The following PHF24 variants were observed in gnomAD, a reference collection of about 807,000 sequenced individuals.
PHF24 encodes PHD finger protein 24.
Under a neutral mutation model 42.6 loss-of-function variants are expected in PHF24, and 25 were observed. The observed-to-expected ratio is 0.59, with a 90% CI of 0.43 to 0.82. PHF24 has a LOEUF of 0.82. Among genes scored for constraint, PHF24 ranks in the 40% least tolerant of loss-of-function variants. The pLI is 0.00. For missense variants in PHF24, 470 were observed against 538.1 expected, an observed-to-expected ratio of 0.87 and a Z score of 1.25; for synonymous variants, 185 against 204.8, an observed-to-expected ratio of 0.90 and a Z score of 0.83.
At chr9:34,809,994 G>GCACGCGCCGCCGCCGCC in the PHF24 span, among the ~76,000 whole-genome samples, 8 of 150,290 alleles carry the variant, frequency 5.3e-5, no homozygotes, top group South Asian at 2.1e-4. The surrounding 1 kb of genome is among the most constrained non-coding windows in gnomAD (Gnocchi z 4.1). Context: ...TCGCGTGGGC[G>GCACGCGCCGCCGCCGCC]CACGCGCCGC....
the PHF24 span, among the ~76,000 whole-genome samples, chr9:34,778,521 T>C: frequency 6.6e-6 from 1 of 151,804 alleles, no homozygotes. Flanking sequence ...TGCCATTAGG[T>C]ATAATGGACA....
the PHF24 span, among the ~76,000 whole-genome samples, chr9:34,924,419 G>A: frequency 4.6e-5 from 7 of 152,120 alleles, no homozygotes; most frequent in Admixed American, 4.6e-4. Context: ...CTCTCTAGCT[G>A]TAATAATATT....
the PHF24 span, among the ~76,000 whole-genome samples, chr9:34,743,368 C>A: frequency 2.0e-3 from 301 of 152,336 alleles, 1 homozygote; most frequent in African/African-American, 6.8e-3. Context: ...ACTTGAAGCA[C>A]AGAAAGGGTT....
intron 1 of PHF24, among the ~76,000 whole-genome samples, chr9:34,966,435 A>G (rs956176730): frequency 1.3e-5 from 2 of 152,110 alleles, no homozygotes; most frequent in African/African-American, 2.4e-5. Flanking sequence ...AAATTTTTCA[A>G]AAATTAGCAC....
At chr9:34,723,807 G>A in the PHF24 span, 1 of 1,551,620 alleles carries the variant, frequency 6.4e-7, no homozygotes. Flanking sequence ...ATGACAGTTA[G>A]CTTGGTTTGA....
the PHF24 span, among the ~76,000 whole-genome samples, chr9:34,873,654 G>A: frequency 6.6e-6 from 1 of 150,814 alleles, no homozygotes; most frequent in Admixed American, 6.6e-5. Flanking sequence ...CTCCAGCTTT[G>A]TTCTTTTGGC....
chr9:34,911,349 G>A, the PHF24 span, among the ~76,000 whole-genome samples: 250 of 152,132 alleles, frequency 1.6e-3, no homozygotes, highest in African/African-American at 5.1e-3. Flanking sequence ...CCACCTCCTG[G>A]GTTCAAGCAA....
chr9:34,971,602 C>G (rs746469742), exon 2 of PHF24: 18 of 1,614,064 alleles, frequency 1.1e-5, no homozygotes, highest in Admixed American at 1.7e-5. Context: ...ATTCACACCC[C>G]CTGCGTTCAT....
the PHF24 span, among the ~76,000 whole-genome samples, chr9:34,696,413 G>A: frequency 1.3e-4 from 19 of 150,840 alleles, no homozygotes; most frequent in East Asian, 5.8e-4. Flanking sequence ...GCTTTAACCC[G>A]GGAGACAGAA....
chr9:34,908,282 G>T, the PHF24 span, among the ~76,000 whole-genome samples: 1 of 152,126 alleles, frequency 6.6e-6, no homozygotes, highest in Admixed American at 6.5e-5. Flanking sequence ...TAAGGCTTTT[G>T]TCTTCACTGC....
chr9:34,692,292 TAGGCTCTATGTCAAGG>T, the PHF24 span, among the ~76,000 whole-genome samples: 1 of 152,228 alleles, frequency 6.6e-6, no homozygotes, highest in Non-Finnish European at 1.5e-5. Flanking sequence ...TACTATGTGC[TAGGCTCTATGTCAAGG>T]ACTTTACCAC....
chr9:34,727,914 G>A, the PHF24 span: 1 of 1,029,960 alleles, frequency 9.7e-7, no homozygotes, highest in Non-Finnish European at 1.4e-6. Flanking sequence ...CACTGTGTAT[G>A]TCTCCCTCCC....
the PHF24 span, among the ~76,000 whole-genome samples, chr9:34,870,168 C>G: frequency 2.6e-5 from 4 of 152,094 alleles, no homozygotes; most frequent in African/African-American, 9.7e-5. Context: ...ACATCCTGCA[C>G]TACAGTCCTA....
the PHF24 span, among the ~76,000 whole-genome samples, chr9:34,939,734 C>T: frequency 6.6e-6 from 1 of 152,180 alleles, no homozygotes; most frequent in Non-Finnish European, 1.5e-5. Context: ...TTCTCATGGT[C>T]CCACACATCT....
chr9:34,837,056 A>C, the PHF24 span: 1 of 471,356 alleles, frequency 2.1e-6, no homozygotes, highest in Non-Finnish European at 4.4e-6. Flanking sequence ...TGCAAACAGC[A>C]ATAGATCACC....
chr9:34,847,126 G>A, the PHF24 span, among the ~76,000 whole-genome samples: 14 of 151,976 alleles, frequency 9.2e-5, no homozygotes, highest in East Asian at 1.9e-4. Flanking sequence ...GTTTTTTCCA[G>A]TTCTGTGAAG....
the PHF24 span, among the ~76,000 whole-genome samples, chr9:34,811,748 C>A: frequency 2.0e-5 from 3 of 152,054 alleles, no homozygotes; most frequent in Non-Finnish European, 2.9e-5. Context: ...GCAATAATTT[C>A]TTAGATTTTG....
chr9:34,829,965 G>C, the PHF24 span, among the ~76,000 whole-genome samples: 2 of 152,222 alleles, frequency 1.3e-5, no homozygotes, highest in African/African-American at 4.8e-5. Context: ...TTTTGTGTCA[G>C]TTGTTGAATA....
At chr9:34,723,375 A>G in the PHF24 span, 1 of 1,551,614 alleles carries the variant, frequency 6.4e-7, no homozygotes, top group African/African-American at 1.4e-5. Context: ...GGACCATCCA[A>G]GAAGGCTGGG....
Sources: gnomAD v4.1 joint callset for allele counts (sites outside exome capture counted in the v4.1 genomes callset) on GRCh38, gnomAD v4.1.1 for gene constraint, Gnocchi (gnomAD v3.1) non-coding constraint, MANE v1.5 for transcripts, NCBI Gene and HGNC (gene_info 2026-07-23, HGNC 2026-07-21) for gene names.